The following GCSAML variants were observed in gnomAD, a reference collection of about 807,000 sequenced individuals.
The protein encoded by GCSAML is germinal center-associated signaling and motility-like protein.
A neutral mutation model predicts 13.0 loss-of-function variants in GCSAML; 9 were observed. The observed-to-expected ratio is 0.69, with a 90% CI of 0.42 to 1.21. The LOEUF is 1.21. Ranked by LOEUF, GCSAML falls within the 50% of genes most tolerant of loss-of-function variation. The pLI is 0.00. For missense variants in GCSAML, 143 were observed against 153.4 expected (o/e 0.93, Z 0.36); for synonymous variants, 37 against 52.9 (o/e 0.70, Z 1.31).
chr1:247,548,609 C>T (rs61838227), upstream of GCSAML, among the ~76,000 whole-genome samples: 24,603 of 152,042 alleles, frequency 0.16, 2,436 homozygotes, highest in East Asian at 0.34. This position sits in a 1 kb window ranked among gnomAD's most constrained non-coding sequence, Gnocchi z 5.3. Context: ...TTATTTCTAA[C>T]GTTGTTTTTT....
At chr1:247,552,271 A>G (rs374393965) in intron 1 of GCSAML, among the ~76,000 whole-genome samples, 28 of 152,344 alleles carry the variant, frequency 1.8e-4, no homozygotes, top group Middle Eastern at 6.8e-3. Context: ...ACCAAAATGA[A>G]GAGGAAATTC....
chr1:247,560,630 C>T (rs1360738634), intron 2 of GCSAML, among the ~76,000 whole-genome samples: 1 of 151,702 alleles, frequency 6.6e-6, no homozygotes, highest in Non-Finnish European at 1.5e-5. Flanking sequence ...GAATGAAAAA[C>T]AAAAATTGTA....
chr1:247,559,877 G>A (rs982009713), intron 2 of GCSAML, among the ~76,000 whole-genome samples: 1 of 152,118 alleles, frequency 6.6e-6, no homozygotes, highest in African/African-American at 2.4e-5. Flanking sequence ...CTGAAATAAG[G>A]CCCAATCTTA....
At chr1:247,523,090 T>C (rs1019466486) in intron 1 of GCSAML, among the ~76,000 whole-genome samples, 1 of 152,178 alleles carries the variant, frequency 6.6e-6, no homozygotes, top group African/African-American at 2.4e-5. Flanking sequence ...TGAACCTCCA[T>C]CTACTGTTTG....
chr1:247,522,054 C>T (rs541884458), intron 1 of GCSAML, among the ~76,000 whole-genome samples: 60 of 151,902 alleles, frequency 3.9e-4, no homozygotes, highest in African/African-American at 1.3e-3. Context: ...AGGTGAGCAG[C>T]GTCTCTGCCC....
chr1:247,532,779 C>A (rs1418741955), intron 2 of GCSAML, among the ~76,000 whole-genome samples: 2 of 152,050 alleles, frequency 1.3e-5, no homozygotes, highest in African/African-American at 4.8e-5. Flanking sequence ...ACATTTTATA[C>A]CCATTGTTTT....
chr1:247,514,989 C>T (rs1284666876), intron 1 of GCSAML, among the ~76,000 whole-genome samples: 1 of 152,054 alleles, frequency 6.6e-6, no homozygotes, highest in African/African-American at 2.4e-5. Context: ...TTCTCTAGTT[C>T]TGGGAAGAGT....
At chr1:247,519,496 C>G (rs967729798) in intron 1 of GCSAML, 5 of 152,230 alleles carry the variant, frequency 3.3e-5, no homozygotes, top group Non-Finnish European at 7.3e-5. Flanking sequence ...GTTACTTCCT[C>G]AGGCTGTTAC....
At chr1:247,522,455 C>T (rs74200106) in intron 1 of GCSAML, among the ~76,000 whole-genome samples, 25,858 of 145,472 alleles carry the variant, frequency 0.18, 2,453 homozygotes, top group South Asian at 0.33. Context: ...ATGACGATGG[C>T]GGTTTTGTTG....
At chr1:247,524,412 G>A (rs56916654) in intron 1 of GCSAML, among the ~76,000 whole-genome samples, 2,141 of 152,206 alleles carry the variant, frequency 0.014, 48 homozygotes, top group African/African-American at 0.047. Flanking sequence ...AGGGGAGAGC[G>A]CAAGTGGCAG....
chr1:247,558,921 T>C (rs923997056), intron 2 of GCSAML, among the ~76,000 whole-genome samples: 2 of 152,240 alleles, frequency 1.3e-5, no homozygotes, highest in Non-Finnish European at 1.5e-5. Context: ...CTGTGTGGTC[T>C]GTGTTATTTC....
intron 2 of GCSAML, among the ~76,000 whole-genome samples, chr1:247,543,216 G>A (rs1667464938): frequency 6.6e-6 from 1 of 152,150 alleles, no homozygotes; most frequent in Non-Finnish European, 1.5e-5. Flanking sequence ...GATGTTCAAA[G>A]TTGTTATTAA....
At chr1:247,573,158 C>T (rs1039092212) in intron 4 of GCSAML, among the ~76,000 whole-genome samples, 1 of 152,130 alleles carries the variant, frequency 6.6e-6, no homozygotes, top group African/African-American at 2.4e-5. Context: ...CTGGCTTCAG[C>T]CCCTTTTCCA....
intron 1 of GCSAML, among the ~76,000 whole-genome samples, chr1:247,508,827 T>C (rs1224044913): frequency 1.4e-4 from 22 of 151,990 alleles, no homozygotes; most frequent in Admixed American, 5.3e-4. Flanking sequence ...GGTATGTGTA[T>C]GGTCTTATTT....
rs542468488 is a variant in GCSAML, at chr1:247,552,143, G to C, written c.29+2923G>C. Among the ~76,000 whole-genome samples the C allele has an allele frequency of 2.0e-5, 3 of 152,326 alleles. No individual in the cohort carries two copies. The East Asian group carries it at 5.8e-4, about 29-fold the overall frequency. On this transcript the variant is annotated intron_variant, in intron 1 of 4. Coordinates refer to ENST00000366488, the MANE Select transcript of GCSAML (RefSeq NM_145278.5). ...TCTATGGCTAGCCCTGGGTAGGAAA[G>C]AGTTGTCACAGAGAGGAGGGCAGGA... is the stretch of plus-strand genomic sequence containing the variant.
In GCSAML at chr1:247,569,208, G is replaced by C. The variant is rs138745967; in HGVS notation, c.168+3249G>C. On this transcript the variant is annotated intron_variant, in intron 4 of 4. Transcript: ENST00000366488. Reference sequence around the variant, plus strand: ...TGAATACCCTTTATTTCTTTCTCTTGCCTGATTGCCCTGGTCAGAACTCCC... The same window carrying C: ...TGAATACCCTTTATTTCTTTCTCTTCCCTGATTGCCCTGGTCAGAACTCCC... 3.7e-3 allele frequency among the ~76,000 whole-genome samples: 557 copies of C among 152,156 alleles called. 4 individuals carry two copies. The highest frequency in any genetic ancestry group is 0.013 in the African/African-American group (532 of 41,510).
At chr1:247,538,869 AG>A in intron 2 of GCSAML, 1 of 386,464 alleles carries the variant, frequency 2.6e-6, no homozygotes, top group East Asian at 7.8e-5. Flanking sequence ...TGCCTAATAC[AG>A]ATGGCTAATG....
At chr1:247,517,395 G>A (rs1028906350) in intron 1 of GCSAML, among the ~76,000 whole-genome samples, 9 of 152,136 alleles carry the variant, frequency 5.9e-5, no homozygotes, top group African/African-American at 1.9e-4. Context: ...TTATGCAGTG[G>A]ATTTTAAATC....
intron 1 of GCSAML, among the ~76,000 whole-genome samples, chr1:247,521,300 CAT>C (rs145418104): frequency 0.029 from 4,396 of 151,032 alleles, 122 homozygotes; most frequent in East Asian, 0.085. Context: ...TTATGAAAAA[CAT>C]AATGTCTCCC....
Sources: allele counts gnomAD v4.1 joint callset (sites outside exome capture counted in the v4.1 genomes callset), GRCh38; gene constraint gnomAD v4.1.1; non-coding constraint Gnocchi (gnomAD v3.1); transcripts MANE v1.5; gene names NCBI Gene and HGNC (gene_info 2026-07-23, HGNC 2026-07-21).